ERG: variants seen among roughly 807,000 people sequenced by gnomAD.
ERG encodes the protein ETS transcription factor ERG.
ERG carries 9 observed loss-of-function variants against 55.3 expected under a neutral mutation model. The observed-to-expected ratio is 0.16, with a 90% CI of 0.10 to 0.28. ERG has a LOEUF of 0.28. ERG is among the 10% of genes least tolerant of loss of function. ERG has a pLI of 1.00. For synonymous variants in ERG, 223 were observed against 237.3 expected (o/e 0.94, Z 0.55); for missense variants, 434 against 631.6 (o/e 0.69, Z 3.35).
At chr21:38,510,739 AC>A (rs2059505631) in intron 2 of ERG, among the ~76,000 whole-genome samples, 1 of 152,192 alleles carries the variant, frequency 6.6e-6, no homozygotes, top group African/African-American at 2.4e-5. Flanking sequence ...CCACCTTTTA[AC>A]CACCTAATTT....
At chr21:38,526,095 T>A (rs1419881032) in intron 2 of ERG, among the ~76,000 whole-genome samples, 2 of 152,138 alleles carry the variant, frequency 1.3e-5, no homozygotes, top group Non-Finnish European at 2.9e-5. Context: ...GCGTGGTCTG[T>A]TACATGTGCA....
At chr21:38,376,367 G>A (rs755299748), downstream of ERG, among the ~76,000 whole-genome samples, 1 of 152,116 alleles carries the variant, frequency 6.6e-6, no homozygotes, top group Non-Finnish European at 1.5e-5. Flanking sequence ...TGTTACTCTC[G>A]CTCTCTCCCA....
At chr21:38,596,876 G>C (rs2060134428) in intron 1 of ERG, among the ~76,000 whole-genome samples, 1 of 151,982 alleles carries the variant, frequency 6.6e-6, no homozygotes, top group Admixed American at 6.6e-5. Flanking sequence ...ACCAACACCA[G>C]GAAGACTCAG....
intron 9 of ERG, among the ~76,000 whole-genome samples, chr21:38,387,237 C>G (rs1266758982): frequency 6.6e-6 from 1 of 152,172 alleles, no homozygotes; most frequent in African/African-American, 2.4e-5. Context: ...CCCACCAGTA[C>G]CATGTGGCAG....
chr21:38,412,363 T>C (rs935035308), intron 3 of ERG, among the ~76,000 whole-genome samples: 3 of 152,210 alleles, frequency 2.0e-5, no homozygotes, highest in African/African-American at 7.2e-5. Context: ...TCTTTCCTGT[T>C]AATCTTTAAA....
rs1428851917 is a variant in ERG, at chr21:38,402,648, A to G, written c.593-11T>C. ...AATGTGGAAGAGGAGCTACAAAACA[A>G]AACAAAAAGCGACATCAAAATGAAA... On this transcript the variant is annotated splice_polypyrimidine_tract_variant and intron_variant, in intron 4 of 9. Transcript: ENST00000288319. The G allele has an allele frequency of 1.9e-6, 3 of 1,580,736 alleles. No homozygotes were observed. The highest frequency in any genetic ancestry group is 2.6e-6 in the Non-Finnish European group (3 of 1,162,744).
chr21:38,554,797 C>T (rs550269518), intron 2 of ERG, among the ~76,000 whole-genome samples: 48 of 150,864 alleles, frequency 3.2e-4, no homozygotes, highest in African/African-American at 9.0e-4. Context: ...ACGTAACAAA[C>T]GTACACGTGT....
intron 1 of ERG, among the ~76,000 whole-genome samples, chr21:38,457,493 C>G (rs1399941779): frequency 2.0e-5 from 3 of 151,790 alleles, no homozygotes; most frequent in Admixed American, 2.0e-4. Flanking sequence ...CATTCATATC[C>G]AAACCATCAA....
chr21:38,645,323 T>C (rs2060449319), intron 1 of ERG, among the ~76,000 whole-genome samples: 1 of 152,046 alleles, frequency 6.6e-6, no homozygotes, highest in African/African-American at 2.4e-5. Flanking sequence ...GAGAAACAAA[T>C]ATATGGCTTG....
At chr21:38,478,489 G>T (rs769408649) in intron 1 of ERG, among the ~76,000 whole-genome samples, 1 of 152,102 alleles carries the variant, frequency 6.6e-6, no homozygotes, top group Non-Finnish European at 1.5e-5. Flanking sequence ...AGGTGAAGAT[G>T]GGCTATGGGC....
At chr21:38,466,652 T>C (rs1000453470) in intron 1 of ERG, among the ~76,000 whole-genome samples, 9 of 152,162 alleles carry the variant, frequency 5.9e-5, no homozygotes, top group African/African-American at 1.9e-4. Context: ...CAGTTCTTCA[T>C]ATGATAAAAT....
Position 38,383,867 on chromosome 21 carries a change from T to C in ERG, c.976A>G (p.Asn326Asp). Residue 326 changes from asparagine to aspartate, a missense_variant, in exon 10 of 10, where the codon AAC becomes GAC. Asn to Asp is a conservative substitution (Grantham distance 23). Transcript: ENST00000288319. This position sits in a 1 kb window ranked among gnomAD's most constrained non-coding sequence, Gnocchi z 5.7. ...CCTTCCCAGGTGATGCAGCTGGAGT[T>C]GGAGCTGTCCGACAGGAGCTCCAGG... ...FLLELLSDSS[N>D]SSCITWEGTN... The C allele has an allele frequency of 6.2e-7, 1 of 1,614,106 alleles. No homozygotes were observed. The highest frequency in any genetic ancestry group is 8.5e-7 in the Non-Finnish European group (1 of 1,180,016).
At chr21:38,660,325 C>T (rs1335444373) in intron 1 of ERG, among the ~76,000 whole-genome samples, 1 of 152,232 alleles carries the variant, frequency 6.6e-6, no homozygotes, top group Non-Finnish European at 1.5e-5. Flanking sequence ...CCATCCGCAC[C>T]CGACTGCACG....
intron 1 of ERG, among the ~76,000 whole-genome samples, chr21:38,602,203 G>C (rs1329713862): frequency 6.6e-6 from 1 of 152,156 alleles, no homozygotes; most frequent in Admixed American, 6.5e-5. Flanking sequence ...CCAGCACTTT[G>C]GGAGGCTGTG....
At chr21:38,553,497 T>C (rs1008583052) in intron 2 of ERG, among the ~76,000 whole-genome samples, 4 of 151,994 alleles carry the variant, frequency 2.6e-5, no homozygotes, top group Non-Finnish European at 5.9e-5. Flanking sequence ...CATAAACCAA[T>C]GGACTAGATT....
intron 1 of ERG, among the ~76,000 whole-genome samples, chr21:38,593,807 TAA>T (rs1433632571): frequency 1.3e-5 from 2 of 152,196 alleles, no homozygotes; most frequent in Non-Finnish European, 1.5e-5. Context: ...AGATTACATA[TAA>T]GAGACTTTAT....
At chr21:38,653,581 G>A (rs1212755999) in intron 1 of ERG, among the ~76,000 whole-genome samples, 1 of 152,168 alleles carries the variant, frequency 6.6e-6, no homozygotes, top group Non-Finnish European at 1.5e-5. Flanking sequence ...AAGTAAAAAG[G>A]GTGGTAGTTT....
At chr21:38,444,837 C>G (rs1306631136) in intron 2 of ERG, among the ~76,000 whole-genome samples, 2 of 152,004 alleles carry the variant, frequency 1.3e-5, no homozygotes, top group African/African-American at 4.8e-5. Context: ...ATTCAAGTGG[C>G]TTGGACATAC....
At chr21:38,465,942 G>A (rs998606665) in intron 1 of ERG, among the ~76,000 whole-genome samples, 1 of 152,118 alleles carries the variant, frequency 6.6e-6, no homozygotes, top group African/African-American at 2.4e-5. Context: ...GGAGGTGCCT[G>A]GGCTGGAATG....
Sources: allele counts gnomAD v4.1 joint callset (sites outside exome capture counted in the v4.1 genomes callset), GRCh38; gene constraint gnomAD v4.1.1; non-coding constraint Gnocchi (gnomAD v3.1); transcripts MANE v1.5; gene names NCBI Gene and HGNC (gene_info 2026-07-23, HGNC 2026-07-21).